NT5DC3: variants seen among roughly 807,000 people sequenced by gnomAD.
NT5DC3 encodes 5'-nucleotidase domain-containing protein 3.
In NT5DC3, 42 loss-of-function variants were observed where a neutral mutation model predicts 67.8. The ratio of observed to expected loss-of-function variants is 0.62; its 90% confidence interval spans 0.48 to 0.80. The LOEUF (loss-of-function observed/expected upper bound fraction) is 0.80. Among genes scored for constraint, NT5DC3 ranks in the 30% least tolerant of loss-of-function variants. NT5DC3 has a pLI of 0.00. For missense variants in NT5DC3, 570 were observed against 696.4 expected (o/e 0.82, Z 2.04); for synonymous variants, 237 against 255.6 (o/e 0.93, Z 0.69).
At chr12:103,819,096 A>AAAAATCGTGG (rs1250139277) in intron 1 of NT5DC3, among the ~76,000 whole-genome samples, 2 of 152,170 alleles carry the variant, frequency 1.3e-5, no homozygotes, top group Non-Finnish European at 2.9e-5. Context: ...TACTATGATA[A>AAAAATCGTGG]AAAATCGTGA....
chr12:103,790,225 CT>C (rs1885984576), intron 9 of NT5DC3, among the ~76,000 whole-genome samples: 1 of 152,166 alleles, frequency 6.6e-6, no homozygotes. Context: ...CCACCTCAGT[CT>C]CTCAAATAGC....
chr12:103,755,759 G>C, the NT5DC3 span: 2 of 1,603,352 alleles, frequency 1.2e-6, no homozygotes, highest in Non-Finnish European at 1.7e-6. Flanking sequence ...GGCAGGGAGG[G>C]GTTGCCTCAA....
rs1886425486 is a variant in NT5DC3 at position 103,798,629 on chromosome 12, C to T, written c.573G>A (p.Gly191=). ...TCATCTGCTCCAAGGGCACGTGGGA[C>T]CCCTCGTACATTTCAATGACTTCTT... The part of the protein sequence containing the change: ...PDEEVIEMYE[G]SHVPLEQMSD... Residue 191 remains glycine, a synonymous_variant, in exon 5 of 14, where the codon GGG becomes GGA. Coordinates refer to ENST00000392876, the MANE Select transcript of NT5DC3 (RefSeq NM_001031701.3). The T allele has an allele frequency of 6.2e-7, 1 of 1,614,040 alleles. No individual in the cohort carries two copies. Among genetic ancestry groups the T allele is most frequent in the East Asian group, 2.2e-5 (1 of 44,884 alleles).
rs567446245 is a variant in NT5DC3, at chr12:103,774,190, T to G, written c.*3639A>C. On this transcript the variant is annotated 3_prime_UTR_variant, in exon 14 of 14. Transcript: ENST00000392876. The stretch of plus-strand genomic sequence containing the variant: ...TGTGATGGCTGCTGCCCTGGACTCA[T>G]CATTGTTCACATAATTCTTAGAAAA... 1.1e-3 allele frequency: 165 copies of G among 152,378 alleles called. 1 individual carries two copies. Among genetic ancestry groups the G allele is most frequent in the African/African-American group, 3.9e-3 (163 of 41,590 alleles). The allele number at this position is 152,378 out of a possible 1,614,324, so 9.4% of individuals were successfully genotyped here.
chr12:103,824,692 T>G (rs1204793605), intron 1 of NT5DC3, among the ~76,000 whole-genome samples: 3 of 113,864 alleles, frequency 2.6e-5, no homozygotes, highest in Non-Finnish European at 6.2e-5. Context: ...ACATCTGTGA[T>G]GCCACCAACA....
chr12:103,821,401 G>A (rs1039325381), intron 1 of NT5DC3, among the ~76,000 whole-genome samples: 1 of 152,202 alleles, frequency 6.6e-6, no homozygotes, highest in Admixed American at 6.5e-5. Flanking sequence ...GACTCCAGAA[G>A]GAGGGCATGT....
intron 4 of NT5DC3, among the ~76,000 whole-genome samples, chr12:103,804,906 C>A (rs567879228): frequency 5.1e-4 from 78 of 152,252 alleles, no homozygotes; most frequent in African/African-American, 1.8e-3. Context: ...ACAAAACTAG[C>A]CGGGCGTGGC....
At chr12:103,780,427 G>C (rs193207190) in intron 12 of NT5DC3, 63 bp from the exon 13 acceptor site, 1 of 1,492,446 alleles carries the variant, frequency 6.7e-7, no homozygotes, top group Non-Finnish European at 9.3e-7. Context: ...TACGTAATGA[G>C]AATTTTTTAA....
rs560186945 is a variant in NT5DC3 at position 103,826,285 on chromosome 12, A to G, written c.209-11164T>C. Reference sequence around the variant, plus strand: ...ACGTCCTAATCCCTAGAACCTGTGAATATGTTATCTTACATGGCAAGGGAG... The same window carrying G: ...ACGTCCTAATCCCTAGAACCTGTGAGTATGTTATCTTACATGGCAAGGGAG... On this transcript the variant is annotated intron_variant, in intron 1 of 13. Coordinates refer to ENST00000392876, the MANE Select transcript of NT5DC3 (RefSeq NM_001031701.3). 2.4e-4 allele frequency among the ~76,000 whole-genome samples: 37 copies of G among 152,356 alleles called. No individual in the cohort carries two copies. The South Asian group carries it at 7.5e-3, about 31-fold the overall frequency.
At chr12:103,824,164 G>A (rs55949441) in intron 1 of NT5DC3, among the ~76,000 whole-genome samples, 15,445 of 152,248 alleles carry the variant, frequency 0.1, 1,121 homozygotes, top group East Asian at 0.29. Flanking sequence ...ATTCATTACA[G>A]TAAAGGAAAC....
In NT5DC3 at chr12:103,785,358, T is replaced by C; in HGVS notation, c.1306A>G (p.Thr436Ala). The C allele has an allele frequency of 6.2e-7, 1 of 1,614,076 alleles. No individual in the cohort carries two copies. Among genetic ancestry groups the C allele is most frequent in the Non-Finnish European group, 8.5e-7 (1 of 1,179,968 alleles). The change falls in exon 12 of 14, where the codon ACT becomes GCT. Residue 436 changes from threonine to alanine, a missense_variant. Transcript: ENST00000392876. ...ACCTGCATCTGTTCCAATAAGCCAG[T>C]CAAGGTCTGCAGCCAGGTCATGGTT... ...IQTMTWLQTL[T>A]GLLEQMQVHR...
chr12:103,826,407 G>A (rs1038921153), intron 1 of NT5DC3, among the ~76,000 whole-genome samples: 1 of 152,224 alleles, frequency 6.6e-6, no homozygotes. Context: ...AATCACAAGG[G>A]TCCTTAAGTG....
At chr12:103,763,408 G>T in the NT5DC3 span, 118 of 1,107,216 alleles carry the variant, frequency 1.1e-4, no homozygotes, top group Middle Eastern at 4.5e-4. Flanking sequence ...AGAGGCAAAG[G>T]GTGGCTTGCT....
the NT5DC3 span, chr12:103,750,486 C>A: frequency 3.3e-6 from 5 of 1,526,012 alleles, no homozygotes; most frequent in African/African-American, 5.4e-5. Flanking sequence ...CATCTGAACA[C>A]CTCCTAGGCT....
intron 1 of NT5DC3, among the ~76,000 whole-genome samples, chr12:103,840,197 T>G (rs1468209832): frequency 1.3e-5 from 2 of 152,182 alleles, no homozygotes; most frequent in African/African-American, 4.8e-5. Context: ...TTAGAGATAA[T>G]CTACGTGCCC....
the NT5DC3 span, among the ~76,000 whole-genome samples, chr12:103,764,870 G>C: frequency 6.6e-6 from 1 of 152,028 alleles, no homozygotes; most frequent in South Asian, 2.1e-4. Flanking sequence ...GGCCAAGGCA[G>C]GTGGATCACC....
chr12:103,795,788 A>C (rs1250950207), intron 6 of NT5DC3, among the ~76,000 whole-genome samples: 5 of 152,198 alleles, frequency 3.3e-5, no homozygotes, highest in African/African-American at 1.2e-4. Context: ...TAAATATATA[A>C]ACATGTGACC....
intron 11 of NT5DC3, among the ~76,000 whole-genome samples, chr12:103,786,496 C>G (rs1367038458): frequency 1.3e-5 from 2 of 148,288 alleles, no homozygotes; most frequent in Non-Finnish European, 3.0e-5. Context: ...AGGGGAAATC[C>G]AGTGGGCAAC....
At chr12:103,750,810 G>T in the NT5DC3 span, 1 of 1,456,102 alleles carries the variant, frequency 6.9e-7, no homozygotes. Context: ...AACAAAACAG[G>T]CCAAGCCTGG....
Sources: gnomAD v4.1 joint callset for allele counts (sites outside exome capture counted in the v4.1 genomes callset) on GRCh38, gnomAD v4.1.1 for gene constraint, MANE v1.5 for transcripts, NCBI Gene and HGNC (gene_info 2026-07-23, HGNC 2026-07-21) for gene names.